STIM2: variants seen among roughly 807,000 people sequenced by gnomAD.
The protein encoded by STIM2 is stromal interaction molecule 2.
STIM2 carries 31 observed loss-of-function variants against 85.8 expected under a neutral mutation model. That is an observed-to-expected ratio of 0.36 (90% CI 0.27 to 0.49). The LOEUF is 0.49. Among genes scored for constraint, STIM2 ranks in the 20% least tolerant of loss-of-function variants. The pLI is 0.98. For synonymous variants in STIM2, 356 were observed against 331.1 expected (o/e 1.08, Z -0.82); for missense variants, 841 against 927.6 (o/e 0.91, Z 1.21).
chr4:26,927,703 A>AAG (rs1725011127), intron 2 of STIM2, among the ~76,000 whole-genome samples: 1 of 129,002 alleles, frequency 7.8e-6, no homozygotes, highest in Non-Finnish European at 1.6e-5. Flanking sequence ...AAAAAAAAAA[A>AAG]AAAACTTGAA....
chr4:26,886,230 T>C (rs1207868213), intron 1 of STIM2, among the ~76,000 whole-genome samples: 1 of 152,160 alleles, frequency 6.6e-6, no homozygotes, highest in Non-Finnish European at 1.5e-5. Flanking sequence ...CATATTCATA[T>C]AACTGAGAAG....
intron 10 of STIM2, among the ~76,000 whole-genome samples, chr4:27,013,499 C>T (rs939351405): frequency 6.6e-6 from 1 of 151,924 alleles, no homozygotes; most frequent in Non-Finnish European, 1.5e-5. Flanking sequence ...ACTCCTTATT[C>T]TTTCATTCCA....
At chr4:26,922,712 C>G (rs1406987412) in intron 2 of STIM2, among the ~76,000 whole-genome samples, 1 of 152,062 alleles carries the variant, frequency 6.6e-6, no homozygotes, top group Non-Finnish European at 1.5e-5. Context: ...GTGGGTGGGA[C>G]TTAAAGTTAC....
intron 1 of STIM2, among the ~76,000 whole-genome samples, chr4:26,865,554 T>C (rs987919743): frequency 3.9e-5 from 6 of 152,206 alleles, no homozygotes; most frequent in African/African-American, 1.4e-4. Flanking sequence ...AGTGGCCTAA[T>C]CATTGATGAT....
intron 2 of STIM2, among the ~76,000 whole-genome samples, chr4:26,942,167 A>G (rs1577452513): frequency 6.6e-6 from 1 of 152,256 alleles, no homozygotes; most frequent in East Asian, 1.9e-4. Context: ...GGGGCTCACC[A>G]TCTGCATTTG....
intron 1 of STIM2, among the ~76,000 whole-genome samples, chr4:26,918,176 C>G (rs1464489586): frequency 6.6e-6 from 1 of 150,604 alleles, no homozygotes; most frequent in East Asian, 1.9e-4. Context: ...TGTTAAAACA[C>G]CAAAATATTT....
chr4:26,933,781 G>A (rs114394859), intron 2 of STIM2, among the ~76,000 whole-genome samples: 1,558 of 148,258 alleles, frequency 0.011, 18 homozygotes, highest in Non-Finnish European at 0.016. Flanking sequence ...TTTTGAGTAT[G>A]TGCTTCCTGA....
chr4:26,931,089 C>A (rs1577445190), intron 2 of STIM2, among the ~76,000 whole-genome samples: 1 of 152,054 alleles, frequency 6.6e-6, no homozygotes, highest in African/African-American at 2.4e-5. Context: ...GTTGGAGATA[C>A]CAGTTTTCTG....
rs916068505 is a variant in STIM2, at chr4:27,024,701, TGATAA to T, written c.*1711_*1715del. ...AAATGAACATAGCGTTTTGCACTAA[TGATAA>T]GATAACCTGAGAGGTAGGGTTGAGG... On this transcript the variant is annotated 3_prime_UTR_variant, in exon 12 of 12. Coordinates refer to ENST00000467087, the MANE Select transcript of STIM2 (RefSeq NM_020860.4). The T allele has an allele frequency of 4.6e-5, 7 of 152,184 alleles. No homozygotes were observed. The highest frequency in any genetic ancestry group is 1.7e-4 in the African/African-American group (7 of 41,448). The allele number at this position is 152,184 out of a possible 1,614,324, so 9.4% of individuals were successfully genotyped here.
intron 7 of STIM2, among the ~76,000 whole-genome samples, chr4:27,005,546 T>G (rs1339797388): frequency 6.6e-6 from 1 of 152,234 alleles, no homozygotes; most frequent in East Asian, 1.9e-4. Flanking sequence ...TTTTAAACAG[T>G]TATTTATTGT....
At chr4:26,959,932 C>A (rs915136396) in intron 3 of STIM2, among the ~76,000 whole-genome samples, 9 of 152,096 alleles carry the variant, frequency 5.9e-5, no homozygotes, top group Admixed American at 6.6e-5. Context: ...TCTCAGTATT[C>A]CTAGTAATGC....
At chr4:26,976,122 G>A (rs1050850149) in intron 3 of STIM2, among the ~76,000 whole-genome samples, 1 of 152,146 alleles carries the variant, frequency 6.6e-6, no homozygotes, top group South Asian at 2.1e-4. Flanking sequence ...GTATTTGGGC[G>A]GGAGTGTTCC....
At chr4:26,939,040 T>C (rs1047657347) in intron 2 of STIM2, among the ~76,000 whole-genome samples, 3 of 152,166 alleles carry the variant, frequency 2.0e-5, no homozygotes, top group African/African-American at 7.2e-5. Flanking sequence ...AATGTTAATA[T>C]TGGAAACTTC....
chr4:26,965,235 A>G (rs1177091900), intron 3 of STIM2, among the ~76,000 whole-genome samples: 3 of 152,096 alleles, frequency 2.0e-5, no homozygotes, highest in Non-Finnish European at 4.4e-5. Flanking sequence ...TTCTACCACT[A>G]ACAAAAGGTC....
At chr4:27,001,655 A>G (rs1728161751) in intron 5 of STIM2, among the ~76,000 whole-genome samples, 1 of 152,164 alleles carries the variant, frequency 6.6e-6, no homozygotes, top group South Asian at 2.1e-4. Context: ...CCCCAAGTTG[A>G]GACAACCCAA....
At chr4:26,890,229 A>C (rs1723413318) in intron 1 of STIM2, among the ~76,000 whole-genome samples, 1 of 152,174 alleles carries the variant, frequency 6.6e-6, no homozygotes, top group Non-Finnish European at 1.5e-5. Flanking sequence ...GATAGTAGGA[A>C]ACTTCCCCTG....
At chr4:26,956,825 A>C (rs1726262230) in intron 2 of STIM2, among the ~76,000 whole-genome samples, 2 of 152,126 alleles carry the variant, frequency 1.3e-5, no homozygotes, top group Admixed American at 1.3e-4. Context: ...AATATAACCA[A>C]ATGGCTTGCG....
At chr4:26,882,705 T>A (rs538376968) in intron 1 of STIM2, among the ~76,000 whole-genome samples, 19 of 152,108 alleles carry the variant, frequency 1.2e-4, no homozygotes, top group Non-Finnish European at 1.6e-4. Flanking sequence ...CAAGCAGTCC[T>A]TCTGCCTTGA....
At chr4:27,006,891 A>T (rs181875535) in intron 7 of STIM2, among the ~76,000 whole-genome samples, 2 of 152,326 alleles carry the variant, frequency 1.3e-5, no homozygotes, top group Non-Finnish European at 2.9e-5. Flanking sequence ...CAAAGCAGTG[A>T]ATTATGTAGC....
Sources: gnomAD v4.1 joint callset for allele counts (sites outside exome capture counted in the v4.1 genomes callset) on GRCh38, gnomAD v4.1.1 for gene constraint, MANE v1.5 for transcripts, NCBI Gene and HGNC (gene_info 2026-07-23, HGNC 2026-07-21) for gene names.